MIR17HG: variants seen among roughly 807,000 people sequenced by gnomAD.
The protein encoded by MIR17HG is MIR17 host gene (non-protein coding).
intron 1 of MIR17HG, among the ~76,000 whole-genome samples, chr13:91,348,904 CGCCCCTCTG>C (rs2138688555): frequency 6.7e-6 from 1 of 149,176 alleles, no homozygotes; most frequent in South Asian, 2.1e-4. Flanking sequence ...GCGGAGCCCC[CGCCCCTCTG>C]GGCCGGGCTC....
chr13:91,349,168 G>T (rs1875146958), intron 1 of MIR17HG, among the ~76,000 whole-genome samples: 1 of 152,094 alleles, frequency 6.6e-6, no homozygotes, highest in African/African-American at 2.4e-5. Context: ...GCACTTTGCA[G>T]TCTCGGGTGT....
intron 3 of MIR17HG, among the ~76,000 whole-genome samples, chr13:91,353,714 A>G (rs1025413762): frequency 5.3e-5 from 8 of 152,126 alleles, no homozygotes; most frequent in African/African-American, 1.7e-4. Flanking sequence ...CTTGAGACTT[A>G]AGAGGTCATG....
In MIR17HG at chr13:91,353,091, A is replaced by T. The variant is rs569900644; in HGVS notation, n.285-842A>T. On this transcript the variant is annotated intron_variant and non_coding_transcript_variant, in intron 3 of 3. Coordinates refer to ENST00000400282, the Ensembl canonical transcript of MIR17HG. Reference sequence around the variant, plus strand: ...TGCCACTGCACTCCAGCCTGGGCGCAAGACCAAGACTTAAACGCAAAAAAA... The same window carrying T: ...TGCCACTGCACTCCAGCCTGGGCGCTAGACCAAGACTTAAACGCAAAAAAA... 2.7e-5 allele frequency among the ~76,000 whole-genome samples: 4 copies of T among 146,564 alleles called. No individual in the cohort carries two copies. The East Asian group carries it at 8.2e-4, about 30-fold the overall frequency.
At chr13:91,352,623 A>AT (rs1875375030) in intron 3 of MIR17HG, among the ~76,000 whole-genome samples, 1 of 152,232 alleles carries the variant, frequency 6.6e-6, no homozygotes, top group African/African-American at 2.4e-5. Context: ...GGATTCCTGA[A>AT]TAGAAAGGTA....
chr13:91,352,205 A>G (rs1223295327), intron 3 of MIR17HG: 1 of 152,188 alleles, frequency 6.6e-6, no homozygotes, highest in African/African-American at 2.4e-5. Flanking sequence ...AGTTGATTCC[A>G]GGCTTATTTG....
chr13:91,349,394 C>CTTTT (rs1875168632), intron 1 of MIR17HG, among the ~76,000 whole-genome samples: 1 of 150,804 alleles, frequency 6.6e-6, no homozygotes. Context: ...TTTTTTTTTC[C>CTTTT]TTTTACTGGA....
At chr13:91,351,290 G>A (rs1566344728) in intron 3 of MIR17HG, 1 of 531,718 alleles carries the variant, frequency 1.9e-6, no homozygotes. Context: ...AAAGTCTGTA[G>A]AAAAGTAAGG....
At chr13:91,347,935 A>T (rs1393336705) in exon 1 of MIR17HG, 1 of 150,926 alleles carries the variant, frequency 6.6e-6, no homozygotes, top group African/African-American at 2.4e-5. Flanking sequence ...CGGCCAGCCG[A>T]AGATGGTGGC....
chr13:91,353,471 G>GT (rs1159656903), intron 3 of MIR17HG, among the ~76,000 whole-genome samples: 2 of 152,126 alleles, frequency 1.3e-5, no homozygotes, highest in African/African-American at 4.8e-5. Flanking sequence ...CTTTTGATTT[G>GT]TTTCTGGCTT....
At chr13:91,347,780 G>GACGACT (rs1162035682), upstream of MIR17HG, 3 of 151,946 alleles carry the variant, frequency 2.0e-5, no homozygotes, top group Non-Finnish European at 4.4e-5. Flanking sequence ...AGGGGGTGGG[G>GACGACT]ACGACTACCG....
chr13:91,348,299 G>A (rs909603120), intron 1 of MIR17HG, among the ~76,000 whole-genome samples: 11 of 150,754 alleles, frequency 7.3e-5, no homozygotes, highest in Non-Finnish European at 1.6e-4. Flanking sequence ...CCCTCGGGGA[G>A]AGGACGTGCG....
chr13:91,353,005 G>T (rs1450752311), intron 3 of MIR17HG, among the ~76,000 whole-genome samples: 1 of 150,730 alleles, frequency 6.6e-6, no homozygotes, highest in Non-Finnish European at 1.5e-5. Context: ...AGCTACTCTG[G>T]AGGCTGAGGC....
chr13:91,351,273 G>A (rs1875300334), intron 3 of MIR17HG: 1 of 531,424 alleles, frequency 1.9e-6, no homozygotes, highest in Non-Finnish European at 3.9e-6. Context: ...ACTGACTGTG[G>A]TAGTGAAAAG....
chr13:91,353,599 CA>C (rs1271990834), intron 3 of MIR17HG, among the ~76,000 whole-genome samples: 1 of 152,148 alleles, frequency 6.6e-6, no homozygotes, highest in Non-Finnish European at 1.5e-5. Flanking sequence ...TTAATTTAGC[CA>C]TTTTGAAATT....
chr13:91,351,777 TAG>T (rs1875326516), intron 3 of MIR17HG: 2 of 187,622 alleles, frequency 1.1e-5, no homozygotes, highest in South Asian at 2.1e-4. Flanking sequence ...TATTTAAATT[TAG>T]AGAGAATGCC....
At chr13:91,348,899 G>A (rs1875116375) in intron 1 of MIR17HG, among the ~76,000 whole-genome samples, 1 of 148,998 alleles carries the variant, frequency 6.7e-6, no homozygotes, top group Non-Finnish European at 1.5e-5. Context: ...CGGCCGCGGA[G>A]CCCCCGCCCC....
exon 4 of MIR17HG, chr13:91,353,969 C>T (rs1421637646): frequency 6.6e-6 from 1 of 152,670 alleles, no homozygotes; most frequent in African/African-American, 2.4e-5. Context: ...CTTGGGTTTT[C>T]TCCTGTAGTT....
intron 3 of MIR17HG, among the ~76,000 whole-genome samples, chr13:91,352,892 T>A (rs561549397): frequency 1.3e-5 from 2 of 152,130 alleles, no homozygotes; most frequent in South Asian, 4.1e-4. Context: ...ACGGATTACC[T>A]GAGGTCAGGA....
At chr13:91,350,504 G>A in intron 3 of MIR17HG, 2 of 515,880 alleles carry the variant, frequency 3.9e-6, no homozygotes, top group South Asian at 2.9e-5. Context: ...AATTTGTATG[G>A]TTTATAGTTG....
Sources: allele counts gnomAD v4.1 joint callset (sites outside exome capture counted in the v4.1 genomes callset), GRCh38; gene constraint gnomAD v4.1.1; transcripts MANE v1.5; gene names NCBI Gene and HGNC (gene_info 2026-07-23, HGNC 2026-07-21).